The following NGLY1 variants were observed in gnomAD, a reference collection of about 807,000 sequenced individuals.
NGLY1 encodes N-glycanase 1.
Under a neutral mutation model 84.6 loss-of-function variants are expected in NGLY1, and 68 were observed. That is an observed-to-expected ratio of 0.80 (90% confidence interval 0.66 to 0.98). The LOEUF is 0.98. NGLY1 is among the 50% of genes least tolerant of loss of function. The probability of loss-of-function intolerance (pLI) is 0.00; values close to 1 mark genes in which losing one functional copy is unlikely to be tolerated. For missense variants in NGLY1, 779 were observed against 770.2 expected (o/e 1.01, Z -0.14); for synonymous variants, 280 against 275.2 (o/e 1.02, Z -0.17).
intron 9 of NGLY1, chr3:25,730,289 G>A (rs1188234446): frequency 6.6e-6 from 1 of 151,774 alleles, no homozygotes; most frequent in Non-Finnish European, 1.5e-5. Context: ...AAGTATTTAG[G>A]ATTAATGTTT....
chr3:25,754,434 G>C (rs748286848), intron 3 of NGLY1, among the ~76,000 whole-genome samples: 28 of 152,174 alleles, frequency 1.8e-4, no homozygotes, highest in Non-Finnish European at 3.7e-4. Context: ...AGTACCCAGA[G>C]AACTAAGGGG....
Position 25,755,404 on chromosome 3 carries a change from G to C in NGLY1, c.493-4141C>G, listed in dbSNP as rs145297301. 5.5e-4 allele frequency: 787 copies of C among 1,423,742 alleles called. 4 individuals are homozygous for C. The African/African-American group carries it at 9.8e-3, about 18-fold the overall frequency. The allele number at this position is 1,423,742 out of a possible 1,614,324, so 88.2% of individuals were successfully genotyped here. A position where few individuals can be genotyped will look rare whatever the true frequency, so the allele number is the denominator to read the frequency against. On this transcript the variant is annotated intron_variant, in intron 3 of 11. Coordinates refer to ENST00000280700, the MANE Select transcript of NGLY1 (RefSeq NM_018297.4). ...GCAAACCTACCACTCCTACTATAGT[G>C]ACCCCACAAACAGTGTCTGTCCCAA...
intron 3 of NGLY1, among the ~76,000 whole-genome samples, chr3:25,763,769 T>C (rs1707425175): frequency 6.6e-6 from 1 of 152,242 alleles, no homozygotes; most frequent in South Asian, 2.1e-4. Context: ...CATTCTTAAT[T>C]ACCTTAAACC....
At chr3:25,742,597 T>G (rs931507316) in intron 4 of NGLY1, among the ~76,000 whole-genome samples, 2 of 152,120 alleles carry the variant, frequency 1.3e-5, no homozygotes, top group Non-Finnish European at 2.9e-5. Context: ...CAGGAAGATA[T>G]TCATGAATTA....
intron 1 of NGLY1, chr3:25,789,829 A>G: frequency 6.4e-7 from 1 of 1,551,472 alleles, no homozygotes; most frequent in Non-Finnish European, 8.7e-7. Flanking sequence ...ACTGCCAAAG[A>G]AAAATGCCTT....
intron 1 of NGLY1, chr3:25,789,715 C>A: frequency 1.0e-6 from 1 of 1,001,970 alleles, no homozygotes. Context: ...CGAGCTATAG[C>A]AATAACTTTG....
exon 1 of NGLY1, chr3:25,790,002 C>T (rs1708690378): frequency 9.2e-7 from 1 of 1,092,736 alleles, no homozygotes; most frequent in Non-Finnish European, 1.4e-6. Flanking sequence ...AGTCAACCGG[C>T]GGAAAGAGAG....
chr3:25,748,881 A>T (rs1467904988), intron 4 of NGLY1, among the ~76,000 whole-genome samples: 3 of 152,142 alleles, frequency 2.0e-5, no homozygotes, highest in Non-Finnish European at 4.4e-5. Context: ...CAATGATTAA[A>T]CTGCAAATGC....
chr3:25,769,115 T>C (rs1707769809), intron 2 of NGLY1, among the ~76,000 whole-genome samples: 1 of 152,008 alleles, frequency 6.6e-6, no homozygotes, highest in African/African-American at 2.4e-5. Flanking sequence ...TCCCAGCACT[T>C]TGGGAGACCA....
rs926188075 is a variant in NGLY1 at position 25,739,645 on chromosome 3, C to G, written c.813G>C (p.Leu271=). The G allele has an allele frequency of 6.2e-7, 1 of 1,614,158 alleles. No individual in the cohort carries two copies. The highest frequency in any genetic ancestry group is 8.5e-7 in the Non-Finnish European group (1 of 1,180,012). ...CTTCCACTTCCTTTGCACCCCACTTCAGCTCATCATCACTGGGCAGTAATG... is the reference window on the plus strand; with the variant it reads ...CTTCCACTTCCTTTGCACCCCACTTGAGCTCATCATCACTGGGCAGTAATG... ...DRSLLPSDDE[L]KWGAKEVEDH... Residue 271 remains leucine, a synonymous_variant, in exon 5 of 12, where the codon CTG becomes CTC. Transcript: ENST00000280700.
At chr3:25,769,726 A>G (rs1048382180) in intron 2 of NGLY1, among the ~76,000 whole-genome samples, 2 of 152,180 alleles carry the variant, frequency 1.3e-5, no homozygotes, top group Admixed American at 1.3e-4. Context: ...ATCATTTTTT[A>G]ATGATCTTTA....
intron 3 of NGLY1, among the ~76,000 whole-genome samples, chr3:25,756,020 TC>T (rs1195871376): frequency 1.3e-5 from 2 of 152,352 alleles, no homozygotes; most frequent in Admixed American, 1.3e-4. Flanking sequence ...TGATTTCTAA[TC>T]TACATTTAAA....
At chr3:25,735,252 A>C (rs888168026) in intron 7 of NGLY1, 2 of 152,214 alleles carry the variant, frequency 1.3e-5, no homozygotes, top group Non-Finnish European at 2.9e-5. Flanking sequence ...AAAATCATTA[A>C]GAGCATAAAA....
intron 4 of NGLY1, among the ~76,000 whole-genome samples, chr3:25,743,097 C>G (rs78674540): frequency 0.019 from 2,867 of 152,086 alleles, 51 homozygotes; most frequent in Middle Eastern, 0.034. Context: ...CAGACTGTTG[C>G]AGCCACAAAC....
intron 3 of NGLY1, among the ~76,000 whole-genome samples, chr3:25,761,089 T>C (rs182606014): frequency 6.6e-6 from 1 of 152,198 alleles, no homozygotes; most frequent in East Asian, 1.9e-4. Context: ...TTGGTTTAAA[T>C]AAACACATAC....
At chr3:25,741,130 TAA>T (rs376282084) in intron 4 of NGLY1, among the ~76,000 whole-genome samples, 31 of 105,612 alleles carry the variant, frequency 2.9e-4, no homozygotes, top group Admixed American at 6.2e-4. Context: ...TCTGTCTCAT[TAA>T]AAAAAAAAAA....
At chr3:25,726,845 G>C (rs1268639881) in intron 10 of NGLY1, among the ~76,000 whole-genome samples, 1 of 152,158 alleles carries the variant, frequency 6.6e-6, no homozygotes, top group Non-Finnish European at 1.5e-5. Context: ...AAAGCGTACT[G>C]GTCTTCTTGA....
Position 25,719,508 on chromosome 3 carries a change from G to A in NGLY1, c.1917C>T (p.Asp639=), listed in dbSNP as rs763091498. The A allele has an allele frequency of 2.5e-6, 4 of 1,613,724 alleles. No individual in the cohort carries two copies. The South Asian group carries it at 4.4e-5, about 18-fold the overall frequency. Residue 639 remains aspartate (D), a synonymous_variant, in exon 12 of 12, where the codon GAC becomes GAT. Coordinates refer to ENST00000280700, the MANE Select transcript of NGLY1 (RefSeq NM_018297.4). ...HTQLFRQSLN[D]HEENCLEIII... ...TTATCTCCAAACAATTTTCTTCATG[G>A]TCATTTAAGCTTTGTCTAAACAGCT...
At chr3:25,724,952 G>A (rs1705178698) in intron 10 of NGLY1, among the ~76,000 whole-genome samples, 1 of 152,110 alleles carries the variant, frequency 6.6e-6, no homozygotes, top group African/African-American at 2.4e-5. Flanking sequence ...GGCAGGCTAT[G>A]GAAACTAAAA....
Sources: gnomAD v4.1 joint callset for allele counts (sites outside exome capture counted in the v4.1 genomes callset) on GRCh38, gnomAD v4.1.1 for gene constraint, MANE v1.5 for transcripts, NCBI Gene and HGNC (gene_info 2026-07-23, HGNC 2026-07-21) for gene names.